Variants in FOXN3 observed in about 807,000 individuals in gnomAD.
FOXN3 encodes forkhead box protein N3.
In FOXN3, 7 loss-of-function variants were observed where a neutral mutation model predicts 38.4. The observed-to-expected ratio is 0.18, with a 90% confidence interval of 0.10 to 0.34. FOXN3 has a LOEUF of 0.34. Ranked by LOEUF, FOXN3 falls within the 10% of genes least tolerant of loss-of-function variation. FOXN3 has a pLI of 1.00. For synonymous variants in FOXN3, 230 were observed against 242.2 expected, an observed-to-expected ratio of 0.95 and a Z score of 0.47; for missense variants, 456 against 613.4, an observed-to-expected ratio of 0.74 and a Z score of 2.71.
chr14:89,550,718 C>G (rs1894986894), intron 1 of FOXN3, among the ~76,000 whole-genome samples: 2 of 152,198 alleles, frequency 1.3e-5, no homozygotes, highest in African/African-American at 4.8e-5. Context: ...AAATCAAGAA[C>G]TCCTGAGTCC....
chr14:89,290,408 C>A, intron 3 of FOXN3: 1 of 365,998 alleles, frequency 2.7e-6, no homozygotes, highest in South Asian at 2.4e-5. Flanking sequence ...TCCCCATTAC[C>A]TGGATTTGAA....
Position 89,412,316 on chromosome 14 carries a change from G to A in FOXN3, c.161C>T (p.Ala54Val), listed in dbSNP as rs147377124. The change falls in exon 2 of 6, where the codon GCC (alanine) becomes GTC (valine). Residue 54 changes from alanine (A) to valine (V), a missense_variant. Transcript: ENST00000557258. This position sits in a 1 kb window ranked among gnomAD's most constrained non-coding sequence, Gnocchi z 4.7. ...GTTGGTCAGCTCTTCATCTTCCATGGCCCCCTCTTCTAATCGGATGTCAGG... is the reference window on the plus strand; with the variant it reads ...GTTGGTCAGCTCTTCATCTTCCATGACCCCCTCTTCTAATCGGATGTCAGG... ...SLPDIRLEEG[A>V]MEDEELTNLN... 2 of 1,613,854 alleles carry A rather than the reference G, an allele frequency of 1.2e-6. No homozygotes were observed. The highest frequency in any genetic ancestry group is 1.7e-6 in the Non-Finnish European group (2 of 1,180,014).
upstream of FOXN3, among the ~76,000 whole-genome samples, chr14:89,421,145 C>CTTT (rs570024684): frequency 1.0e-4 from 11 of 108,144 alleles, no homozygotes; most frequent in South Asian, 3.0e-4. Context: ...TTCTTTCTTT[C>CTTT]TTTTTTTTTT....
At chr14:89,331,624 T>C (rs563978706) in intron 3 of FOXN3, among the ~76,000 whole-genome samples, 1 of 152,330 alleles carries the variant, frequency 6.6e-6, no homozygotes, top group East Asian at 1.9e-4. Flanking sequence ...GTGTTTTCAG[T>C]TGTAAAATTG....
At chr14:89,503,310 A>G (rs1389568495) in intron 1 of FOXN3, among the ~76,000 whole-genome samples, 1 of 152,118 alleles carries the variant, frequency 6.6e-6, no homozygotes, top group East Asian at 1.9e-4. Context: ...ACCAAAATGA[A>G]GAAAAAAAAA....
chr14:89,513,893 CTCTT>C (rs1324633855), intron 1 of FOXN3, among the ~76,000 whole-genome samples: 5 of 143,408 alleles, frequency 3.5e-5, no homozygotes, highest in East Asian at 2.0e-4. Context: ...CTCTTTCCTT[CTCTT>C]TCTCTCTTAC....
chr14:89,489,854 A>G (rs1021021450), intron 1 of FOXN3, among the ~76,000 whole-genome samples: 3 of 152,108 alleles, frequency 2.0e-5, no homozygotes, highest in Non-Finnish European at 2.9e-5. Context: ...CCTTACACAC[A>G]CGCGCGCGCA....
intron 2 of FOXN3, among the ~76,000 whole-genome samples, chr14:89,385,545 C>T (rs1172009849): frequency 2.0e-5 from 3 of 147,184 alleles, no homozygotes; most frequent in Non-Finnish European, 3.0e-5. Context: ...CCATGGTTCA[C>T]GCCTGTAATC....
intron 1 of FOXN3, among the ~76,000 whole-genome samples, chr14:89,574,012 C>T (rs2139898896): frequency 6.6e-6 from 1 of 152,252 alleles, no homozygotes; most frequent in Non-Finnish European, 1.5e-5. Flanking sequence ...GCCTGAGCAA[C>T]ACAGCAAGAC....
At chr14:89,232,791 A>G (rs1002801433) in intron 4 of FOXN3, among the ~76,000 whole-genome samples, 1 of 152,224 alleles carries the variant, frequency 6.6e-6, no homozygotes, top group Non-Finnish European at 1.5e-5. Flanking sequence ...TTTCTCTGAG[A>G]GGCTGGTCTC....
intron 1 of FOXN3, among the ~76,000 whole-genome samples, chr14:89,508,997 C>T (rs543326752): frequency 6.6e-6 from 1 of 152,272 alleles, no homozygotes; most frequent in South Asian, 2.1e-4. Context: ...CACCCTCCCA[C>T]CAGTTTTACA....
At chr14:89,214,172 C>CTTTGCAT (rs11283063) in intron 4 of FOXN3, among the ~76,000 whole-genome samples, 13 of 151,618 alleles carry the variant, frequency 8.6e-5, no homozygotes, top group African/African-American at 3.1e-4. Flanking sequence ...GGGCAGGTTT[C>CTTTGCAT]GGATGGCCAC....
intron 1 of FOXN3, among the ~76,000 whole-genome samples, chr14:89,599,258 G>T (rs1356819734): frequency 6.6e-6 from 1 of 152,084 alleles, no homozygotes; most frequent in East Asian, 1.9e-4. Context: ...TTCACCCATT[G>T]TAAGTACACA....
chr14:89,280,974 TGAA>T lies in FOXN3; in HGVS notation c.718_720del (p.Phe240del), dbSNP rs1454628129. ...CCTTGGAGAAGGGCTCCATTTCTCTTGAAGAAGGTACTGCCCGGCCAGATGGGT... is the reference window on the plus strand; with the variant it reads ...CCTTGGAGAAGGGCTCCATTTCTCTTGAAGGTACTGCCCGGCCAGATGGGT... On this transcript the variant is annotated inframe_deletion, in exon 4 of 6. Coordinates refer to ENST00000557258, the MANE Select transcript of FOXN3 (RefSeq NM_005197.4). 3 of 1,613,722 alleles carry T rather than the reference TGAA, an allele frequency of 1.9e-6. No individual in the cohort carries two copies. Among genetic ancestry groups the T allele is most frequent in the Non-Finnish European group, 2.5e-6 (3 of 1,179,970 alleles).
chr14:89,266,044 G>A (rs1468804808), intron 4 of FOXN3, among the ~76,000 whole-genome samples: 2 of 152,176 alleles, frequency 1.3e-5, no homozygotes, highest in East Asian at 3.9e-4. Context: ...TTCCCAAACT[G>A]CCCTTAGCAG....
intron 1 of FOXN3, among the ~76,000 whole-genome samples, chr14:89,431,294 C>A (rs2140113829): frequency 6.6e-6 from 1 of 152,202 alleles, no homozygotes; most frequent in East Asian, 1.9e-4. Flanking sequence ...TCTTCAGCTT[C>A]ACTTGAACCG....
chr14:89,266,110 T>C (rs1379589092), intron 4 of FOXN3, among the ~76,000 whole-genome samples: 2 of 152,182 alleles, frequency 1.3e-5, no homozygotes, highest in East Asian at 3.8e-4. Flanking sequence ...GGACAGTTGG[T>C]AAATATATTA....
intron 1 of FOXN3, among the ~76,000 whole-genome samples, chr14:89,541,891 C>G (rs1447219873): frequency 6.6e-6 from 1 of 152,030 alleles, no homozygotes; most frequent in Non-Finnish European, 1.5e-5. Flanking sequence ...TACAAAAGGT[C>G]CCTTGCATCA....
chr14:89,330,941 C>T (rs1032955634), intron 3 of FOXN3, among the ~76,000 whole-genome samples: 10 of 152,224 alleles, frequency 6.6e-5, no homozygotes, highest in African/African-American at 1.7e-4. Flanking sequence ...AAGGAATAAA[C>T]GGCTGCTGGA....
Sources: gnomAD v4.1 joint callset for allele counts (sites outside exome capture counted in the v4.1 genomes callset) on GRCh38, gnomAD v4.1.1 for gene constraint, Gnocchi (gnomAD v3.1) non-coding constraint, MANE v1.5 for transcripts, NCBI Gene and HGNC (gene_info 2026-07-23, HGNC 2026-07-21) for gene names.